RBM15B: variants seen among roughly 807,000 people sequenced by gnomAD.
RBM15B encodes the protein RNA binding motif protein 15B.
In RBM15B, 11 loss-of-function variants were observed where a neutral mutation model predicts 53.3. The ratio of observed to expected loss-of-function variants is 0.21; its 90% CI spans 0.13 to 0.34. The LOEUF (loss-of-function observed/expected upper bound fraction) is 0.34, where lower values mean the gene tolerates loss of function less well. Ranked by LOEUF, RBM15B falls within the 10% of genes least tolerant of loss-of-function variation. RBM15B has a pLI of 1.00. For synonymous variants in RBM15B, 631 were observed against 540.7 expected, an observed-to-expected ratio of 1.17 and a Z score of -2.32; for missense variants, 1,136 against 1,250.3, an observed-to-expected ratio of 0.91 and a Z score of 1.38.
In RBM15B at chr3:51,393,529, T is replaced by C; in HGVS notation, c.2130T>C (p.Asn710=). The change falls in exon 1 of 1, where the codon AAT becomes AAC. Residue 710 remains asparagine, a synonymous_variant. Transcript: ENST00000563281. The surrounding 1 kb of genome is among the most constrained non-coding windows in gnomAD (Gnocchi z 5.6). Reference sequence around the variant, plus strand: ...AACACGAGACCAAAAAGCTGAAGAATCTTTCAGAGTACGCTCAGACACTAC... The same window carrying C: ...AACACGAGACCAAAAAGCTGAAGAACCTTTCAGAGTACGCTCAGACACTAC... ...EPKHETKKLK[N]LSEYAQTLQL... is the part of the protein sequence containing the mutation. 1 of 1,614,088 alleles carries C rather than the reference T, an allele frequency of 6.2e-7. No individual in the cohort carries two copies. The highest frequency in any genetic ancestry group is 8.5e-7 in the Non-Finnish European group (1 of 1,180,014).
chr3:51,394,140 C>T lies in RBM15B; in HGVS notation c.*68C>T, dbSNP rs1051839325. 9.7e-6 allele frequency: 13 copies of T among 1,346,760 alleles called. No individual in the cohort carries two copies. The highest frequency in any genetic ancestry group is 9.0e-5 in the African/African-American group (6 of 67,030). The allele number at this position is 1,346,760 out of a possible 1,614,324, so 83.4% of individuals were successfully genotyped here. A position where few individuals can be genotyped will look rare whatever the true frequency, so the allele number is the denominator to read the frequency against. On this transcript the variant is annotated 3_prime_UTR_variant, in exon 1 of 1. Coordinates refer to ENST00000563281, the MANE Select transcript of RBM15B (RefSeq NM_013286.5). ...CAGTTATTTTAAAATCTGATCCCCT[C>T]TCTACCCTACCACTTTGGTTTGAAT...
Position 51,393,882 on chromosome 3 carries a change from T to G in RBM15B, c.2483T>G (p.Leu828Trp). The change falls in exon 1 of 1, where the codon TTG (leucine) becomes TGG (tryptophan). Residue 828 changes from leucine to tryptophan, a missense_variant. Coordinates refer to ENST00000563281, the MANE Select transcript of RBM15B (RefSeq NM_013286.5). The surrounding 1 kb of genome is among the most constrained non-coding windows in gnomAD (Gnocchi z 5.6). ...RRLLRNLVSY[L>W]KQKQAAGVIS... Reference sequence around the variant, plus strand: ...CTTCTCAGGAACCTGGTCTCCTACTTGAAACAGAAGCAGGCCGCAGGGGTG... The same window carrying G: ...CTTCTCAGGAACCTGGTCTCCTACTGGAAACAGAAGCAGGCCGCAGGGGTG... 6.3e-7 allele frequency: 1 copy of G among 1,575,944 alleles called. No homozygotes were observed. The highest frequency in any genetic ancestry group is 8.6e-7 in the Non-Finnish European group (1 of 1,162,610).
Position 51,391,295 on chromosome 3 carries a change from C to T in RBM15B, c.-105C>T, listed in dbSNP as rs2089031749. On this transcript the variant is annotated 5_prime_UTR_variant, in exon 1 of 1. Transcript: ENST00000563281. This position sits in a 1 kb window ranked among gnomAD's most constrained non-coding sequence, Gnocchi z 4.5. ...CCCGCCGCCACCGCCGCGCCGAGTC[C>T]TTTTGTCCAAGATGGCGGCGCCGGG... 7.9e-6 allele frequency: 8 copies of T among 1,013,414 alleles called. No individual in the cohort carries two copies. Among genetic ancestry groups the T allele is most frequent in the Admixed American group, 4.8e-5 (1 of 20,882 alleles). The allele number at this position is 1,013,414 out of a possible 1,614,324, so 62.8% of individuals were successfully genotyped here. A position where few individuals can be genotyped will look rare whatever the true frequency, so the allele number is the denominator to read the frequency against.
Position 51,394,302 on chromosome 3 carries a change from C to G in RBM15B, c.*230C>G. 4.0e-6 allele frequency: 2 copies of G among 496,796 alleles called. No homozygotes were observed. The highest frequency in any genetic ancestry group is 6.4e-6 in the Non-Finnish European group (2 of 310,378). The allele number at this position is 496,796 out of a possible 1,614,324, so 30.8% of individuals were successfully genotyped here. ...TCCGGTTATGTTGATTTCTAGTGTACAAGATACTGTCTGCTGTGGTTCTGT... is the reference window on the plus strand; with the variant it reads ...TCCGGTTATGTTGATTTCTAGTGTAGAAGATACTGTCTGCTGTGGTTCTGT... On this transcript the variant is annotated 3_prime_UTR_variant, in exon 1 of 1. Coordinates refer to ENST00000563281, the MANE Select transcript of RBM15B (RefSeq NM_013286.5).
Position 51,394,509 on chromosome 3 carries a change from ACT to A in RBM15B, c.*441_*442del, listed in dbSNP as rs2089107225. On this transcript the variant is annotated 3_prime_UTR_variant, in exon 1 of 1. Transcript: ENST00000563281. ...TTCCAGCACCACTGCTGCATGGGTC[ACT>A]CTCGGCCTCTCAATTCTTCAGGCTC... 1 of 167,888 alleles carries A rather than the reference ACT, an allele frequency of 6.0e-6. No individual in the cohort carries two copies. Among genetic ancestry groups the A allele is most frequent in the African/African-American group, 2.4e-5 (1 of 41,410 alleles). 10.4% of individuals were successfully genotyped at this position (167,888 alleles called of 1,614,324 possible). A position where few individuals can be genotyped will look rare whatever the true frequency, so the allele number is the denominator to read the frequency against.
rs1553621785 is a variant in RBM15B at position 51,392,569 on chromosome 3, C to T, written c.1170C>T (p.Ala390=). The T allele has an allele frequency of 1.2e-6, 2 of 1,613,940 alleles. No individual in the cohort carries two copies. Among genetic ancestry groups the T allele is most frequent in the Middle Eastern group, 1.6e-4 (1 of 6,062 alleles). Residue 390 remains alanine (A), a synonymous_variant, in exon 1 of 1, where the codon GCC becomes GCT. Transcript: ENST00000563281. This position sits in a 1 kb window ranked among gnomAD's most constrained non-coding sequence, Gnocchi z 7.5. ...TCAAGTTCCAGAACCTGGACATGGCCCATAGGGCTAAGGTGGCCATGTCGG... is the reference window on the plus strand; with the variant it reads ...TCAAGTTCCAGAACCTGGACATGGCTCATAGGGCTAAGGTGGCCATGTCGG... The part of the protein sequence containing the change: ...AFLKFQNLDM[A]HRAKVAMSGR...
At position 51,396,239 on chromosome 3, in the gene RBM15B, T is replaced by C. The variant is rs538620378; in HGVS notation, c.*2167T>C. On this transcript the variant is annotated 3_prime_UTR_variant, in exon 1 of 1. Coordinates refer to ENST00000563281, the MANE Select transcript of RBM15B (RefSeq NM_013286.5). ...AAGGAAACATGCTAGAAAACGTGCC[T>C]AGAGAAGACACTTCAACCTTTGCCT... 3.6e-5 allele frequency: 10 copies of C among 275,712 alleles called. No homozygotes were observed. The Admixed American group carries it at 4.3e-4, about 12-fold the overall frequency. 17.1% of individuals were successfully genotyped at this position (275,712 alleles called of 1,614,324 possible). A position where few individuals can be genotyped will look rare whatever the true frequency, so the allele number is the denominator to read the frequency against.
chr3:51,392,326 G>A lies in RBM15B; in HGVS notation c.927G>A (p.Leu309=). ...AGCGGGCCCTGGACTACTACGGGCT[G>A]TACGACGACCGTGGGCGCCCCTATG... The part of the protein sequence containing the change: ...SRERALDYYG[L]YDDRGRPYGY... The change falls in exon 1 of 1, where the codon CTG becomes CTA. Residue 309 remains leucine (L), a synonymous_variant. Transcript: ENST00000563281. The surrounding 1 kb of genome is among the most constrained non-coding windows in gnomAD (Gnocchi z 7.5). 1 of 1,613,100 alleles carries A rather than the reference G, an allele frequency of 6.2e-7. No individual in the cohort carries two copies. The highest frequency in any genetic ancestry group is 1.1e-5 in the South Asian group (1 of 91,048).
In RBM15B at chr3:51,393,195, T is replaced by C. The variant is rs782485841; in HGVS notation, c.1796T>C (p.Leu599Pro). The C allele has an allele frequency of 6.2e-7, 1 of 1,613,854 alleles. No homozygotes were observed. The highest frequency in any genetic ancestry group is 1.7e-5 in the Admixed American group (1 of 60,014). Residue 599 changes from leucine to proline, a missense_variant, in exon 1 of 1, where the codon CTT becomes CCT. Around this residue, in one of 7 missense-constraint regions of RBM15B, gnomAD observed 578 missense variants for 581.6 expected, o/e 0.99. Transcript: ENST00000563281. The surrounding 1 kb of genome is among the most constrained non-coding windows in gnomAD (Gnocchi z 5.6). The part of the protein sequence containing the change: ...PWEERRKRRS[L>P]SSDRGRTTHS... ...GAAGAGAGGCGGAAACGGAGAAGCC[T>C]TTCCAGTGACCGTGGGAGGACAACC...
In RBM15B at chr3:51,393,221, C is replaced by G; in HGVS notation, c.1822C>G (p.His608Asp). 6.2e-7 allele frequency: 1 copy of G among 1,613,854 alleles called. No homozygotes were observed. Among genetic ancestry groups the G allele is most frequent in the Non-Finnish European group, 8.5e-7 (1 of 1,179,852 alleles). The change falls in exon 1 of 1, where the codon CAT (histidine) becomes GAT (aspartate). Residue 608 changes from histidine (H) to aspartate (D), a missense_variant. By Grantham distance (81) the His-to-Asp change is moderately conservative. Transcript: ENST00000563281. The surrounding 1 kb of genome is among the most constrained non-coding windows in gnomAD (Gnocchi z 5.6). ...SLSSDRGRTT[H>D]SPYEERSRTK... ...TTCCAGTGACCGTGGGAGGACAACC[C>G]ATTCACCATATGAGGAACGGAGTAG...
At position 51,395,512 on chromosome 3, in the gene RBM15B, C is replaced by T; in HGVS notation, c.*1440C>T. On this transcript the variant is annotated 3_prime_UTR_variant, in exon 1 of 1. Coordinates refer to ENST00000563281, the MANE Select transcript of RBM15B (RefSeq NM_013286.5). Reference sequence around the variant, plus strand: ...CACACAGTTTTGTCACCATGGAACACCCCAAATGCCATTCTTCAGCGTGTC... The same window carrying T: ...CACACAGTTTTGTCACCATGGAACATCCCAAATGCCATTCTTCAGCGTGTC... 3.2e-6 allele frequency: 1 copy of T among 310,384 alleles called. No individual in the cohort carries two copies. Among genetic ancestry groups the T allele is most frequent in the Non-Finnish European group, 6.2e-6 (1 of 161,042 alleles). The allele number at this position is 310,384 out of a possible 1,614,324, so 19.2% of individuals were successfully genotyped here. A position where few individuals can be genotyped will look rare whatever the true frequency, so the allele number is the denominator to read the frequency against.
rs782014589 is a variant in RBM15B, at chr3:51,392,067, G to A, written c.668G>A (p.Gly223Asp). 4 of 1,582,850 alleles carry A rather than the reference G, an allele frequency of 2.5e-6. No homozygotes were observed. Among genetic ancestry groups the A allele is most frequent in the Non-Finnish European group, 3.4e-6 (4 of 1,172,570 alleles). Residue 223 changes from glycine to aspartate, a missense_variant, in exon 1 of 1, where the codon GGC (glycine) becomes GAC (aspartate). Gly to Asp is a moderately conservative substitution (Grantham distance 94). This residue lies in a region of RBM15B where 204 missense variants were observed against 196.8 expected (regional missense o/e 1.04). Transcript: ENST00000563281. This position sits in a 1 kb window ranked among gnomAD's most constrained non-coding sequence, Gnocchi z 7.5. The part of the protein sequence containing the change: ...KVEPVYLRGG[G>D]GSSRRSSSSS... Reference sequence around the variant, plus strand: ...GAGCCCGTGTACCTGCGTGGCGGCGGCGGGAGCAGTCGGCGAAGTAGCAGC... The same window carrying A: ...GAGCCCGTGTACCTGCGTGGCGGCGACGGGAGCAGTCGGCGAAGTAGCAGC...
Position 51,392,476 on chromosome 3 carries a change from A to G in RBM15B, c.1077A>G (p.Lys359=). ...TGGAGCTGCGAAGGGCCTTCGAGAA[A>G]TATGGCATCATCGAGGAGGTGGTCA... The part of the protein sequence containing the change: ...SEVELRRAFE[K]YGIIEEVVIK... Residue 359 remains lysine (K), a synonymous_variant, in exon 1 of 1, where the codon AAA becomes AAG. Transcript: ENST00000563281. The surrounding 1 kb of genome is among the most constrained non-coding windows in gnomAD (Gnocchi z 7.5). 2 of 1,613,970 alleles carry G rather than the reference A, an allele frequency of 1.2e-6. No homozygotes were observed. Among genetic ancestry groups the G allele is most frequent in the South Asian group, 1.1e-5 (1 of 91,088 alleles).
chr3:51,392,295 C>A lies in RBM15B; in HGVS notation c.896C>A (p.Ser299Tyr), dbSNP rs1553621737. Residue 299 changes from serine to tyrosine, a missense_variant, in exon 1 of 1, where the codon TCC becomes TAC. Ser to Tyr is a moderately radical substitution (Grantham distance 144). Transcript: ENST00000563281. This position sits in a 1 kb window ranked among gnomAD's most constrained non-coding sequence, Gnocchi z 7.5. ...DAAAAAAVGL[S>Y]RERALDYYGL... ...GCTGCTGCCGCCGCCGTGGGACTGTCCCGGGAGCGGGCCCTGGACTACTAC... is the reference window on the plus strand; with the variant it reads ...GCTGCTGCCGCCGCCGTGGGACTGTACCGGGAGCGGGCCCTGGACTACTAC... 6.2e-7 allele frequency: 1 copy of A among 1,608,890 alleles called. No individual in the cohort carries two copies. The highest frequency in any genetic ancestry group is 8.5e-7 in the Non-Finnish European group (1 of 1,178,798).
In RBM15B at chr3:51,391,488, C is replaced by T. The variant is rs1553621509; in HGVS notation, c.89C>T (p.Ala30Val). The change falls in exon 1 of 1, where the codon GCG (alanine) becomes GTG (valine). Residue 30 changes from alanine to valine, a missense_variant. This residue lies in a region of RBM15B where 257 missense variants were observed against 261.1 expected (regional missense o/e 0.98). Transcript: ENST00000563281. This position sits in a 1 kb window ranked among gnomAD's most constrained non-coding sequence, Gnocchi z 4.5. Reference protein sequence around the residue: ...AKRPREREREAEAGGRRAAHK... With the variant: ...AKRPREREREVEAGGRRAAHK... The stretch of plus-strand genomic sequence containing the variant: ...CGTCCGCGGGAGCGCGAACGGGAGG[C>T]GGAGGCGGGCGGGCGGCGGGCGGCG... 3 of 1,208,444 alleles carry T rather than the reference C, an allele frequency of 2.5e-6. No homozygotes were observed. Among genetic ancestry groups the T allele is most frequent in the African/African-American group, 1.6e-5 (1 of 62,048 alleles). 74.9% of individuals were successfully genotyped at this position (1,208,444 alleles called of 1,614,324 possible).
At position 51,393,272 on chromosome 3, in the gene RBM15B, G is replaced by C. The variant is rs781854224; in HGVS notation, c.1873G>C (p.Glu625Gln). The C allele has an allele frequency of 2.5e-6, 4 of 1,612,548 alleles. No individual in the cohort carries two copies. Among genetic ancestry groups the C allele is most frequent in the Non-Finnish European group, 3.4e-6 (4 of 1,179,348 alleles). Reference protein sequence around the residue: ...SRTKGSGQQSERGSDRTPERS... With the variant: ...SRTKGSGQQSQRGSDRTPERS... ...GACCAAGGGCAGTGGGCAGCAGTCA[G>C]AGCGGGGCTCCGACCGCACCCCTGA... Residue 625 changes from glutamate (E) to glutamine (Q), a missense_variant, in exon 1 of 1, where the codon GAG (glutamate) becomes CAG (glutamine). Coordinates refer to ENST00000563281, the MANE Select transcript of RBM15B (RefSeq NM_013286.5). This position sits in a 1 kb window ranked among gnomAD's most constrained non-coding sequence, Gnocchi z 5.6.
rs1553621929 is a variant in RBM15B at position 51,393,275 on chromosome 3, C to T, written c.1876C>T (p.Arg626Trp). 2 of 1,611,846 alleles carry T rather than the reference C, an allele frequency of 1.2e-6. No individual in the cohort carries two copies. Among genetic ancestry groups the T allele is most frequent in the South Asian group, 1.1e-5 (1 of 90,934 alleles). ...RTKGSGQQSERGSDRTPERSR... is the reference protein window; with the variant it reads ...RTKGSGQQSEWGSDRTPERSR... ...CAAGGGCAGTGGGCAGCAGTCAGAG[C>T]GGGGCTCCGACCGCACCCCTGAGCG... Residue 626 changes from arginine (R) to tryptophan (W), a missense_variant, in exon 1 of 1, where the codon CGG (arginine) becomes TGG (tryptophan). Arg to Trp is a moderately radical substitution (Grantham distance 101, BLOSUM62 -3). This residue lies in a region of RBM15B where 578 missense variants were observed against 581.6 expected (regional missense o/e 0.99). Transcript: ENST00000563281. The surrounding 1 kb of genome is among the most constrained non-coding windows in gnomAD (Gnocchi z 5.6).
In RBM15B at chr3:51,393,319, C is replaced by T; in HGVS notation, c.1920C>T (p.His640=). Reference sequence around the variant, plus strand: ...CTGAGCGCAGCCGCAAGGAGAACCACTCCAGTGAAGGGACCAAGGAGTCCA... The same window carrying T: ...CTGAGCGCAGCCGCAAGGAGAACCATTCCAGTGAAGGGACCAAGGAGTCCA... The part of the protein sequence containing the change: ...RTPERSRKEN[H]SSEGTKESSS... The change falls in exon 1 of 1, where the codon CAC becomes CAT. Residue 640 remains histidine (H), a synonymous_variant. Coordinates refer to ENST00000563281, the MANE Select transcript of RBM15B (RefSeq NM_013286.5). This position sits in a 1 kb window ranked among gnomAD's most constrained non-coding sequence, Gnocchi z 5.6. 6.2e-7 allele frequency: 1 copy of T among 1,610,638 alleles called. No homozygotes were observed. The highest frequency in any genetic ancestry group is 2.2e-5 in the East Asian group (1 of 44,766).
At position 51,394,431 on chromosome 3, in the gene RBM15B, T is replaced by TAA. The variant is rs1331213154; in HGVS notation, c.*362_*363dup. 2 of 189,318 alleles carry TAA rather than the reference T, an allele frequency of 1.1e-5. No homozygotes were observed. The highest frequency in any genetic ancestry group is 6.3e-5 in the Admixed American group (1 of 15,836). 11.7% of individuals were successfully genotyped at this position (189,318 alleles called of 1,614,324 possible). Reference sequence around the variant, plus strand: ...AGAGTCCTGGTTTAATCAATCAAGCTAAAAGAATCGAAGACATCCCTAGTG... The same window carrying TAA: ...AGAGTCCTGGTTTAATCAATCAAGCTAAAAAAGAATCGAAGACATCCCTAGTG... On this transcript the variant is annotated 3_prime_UTR_variant, in exon 1 of 1. Coordinates refer to ENST00000563281, the MANE Select transcript of RBM15B (RefSeq NM_013286.5).
Sources: gnomAD v4.1 joint callset for allele counts on GRCh38, gnomAD v4.1.1 for gene constraint, gnomAD v4.1.1 regional missense constraint, Gnocchi (gnomAD v3.1) non-coding constraint, MANE v1.5 for transcripts, NCBI Gene and HGNC (gene_info 2026-07-23, HGNC 2026-07-21) for gene names.